The following CPED1 variants were observed in gnomAD, a reference collection of about 807,000 sequenced individuals.
The protein encoded by CPED1 is cadherin-like and PC-esterase domain-containing protein 1.
In CPED1, 114 loss-of-function variants were observed where a neutral mutation model predicts 128.2. The ratio of observed to expected loss-of-function variants is 0.89; its 90% CI spans 0.76 to 1.04. The LOEUF is 1.04. CPED1 is among the 50% of genes least tolerant of loss of function. CPED1 has a pLI of 0.00. For synonymous variants in CPED1, 462 were observed against 426.7 expected, an observed-to-expected ratio of 1.08 and a Z score of -1.02; for missense variants, 1,211 against 1,207.1, an observed-to-expected ratio of 1.00 and a Z score of -0.05.
intron 18 of CPED1, among the ~76,000 whole-genome samples, chr7:121,265,197 G>A (rs73438262): frequency 0.094 from 14,311 of 152,020 alleles, 845 homozygotes; most frequent in Non-Finnish European, 0.13. Context: ...AAAAGTAGAA[G>A]TCTAACATGC....
intron 4 of CPED1, among the ~76,000 whole-genome samples, chr7:121,062,075 A>G (rs1793685757): frequency 6.6e-6 from 1 of 152,190 alleles, no homozygotes; most frequent in African/African-American, 2.4e-5. Flanking sequence ...GGACAGGAAA[A>G]TAGAAGGCAG....
chr7:121,145,241 C>T (rs145567257), intron 16 of CPED1, among the ~76,000 whole-genome samples: 24 of 152,078 alleles, frequency 1.6e-4, no homozygotes, highest in Admixed American at 4.6e-4. Context: ...TTCCATGACA[C>T]GTTTCTCCAA....
At chr7:121,095,482 GT>G (rs549325520) in intron 5 of CPED1, among the ~76,000 whole-genome samples, 1,653 of 146,866 alleles carry the variant, frequency 0.011, 23 homozygotes, top group African/African-American at 0.038. Context: ...AATTACAGAG[GT>G]TTTTTTTTTT....
chr7:121,092,131 T>C (rs1358093750), intron 5 of CPED1, among the ~76,000 whole-genome samples: 1 of 152,170 alleles, frequency 6.6e-6, no homozygotes, highest in Non-Finnish European at 1.5e-5. Flanking sequence ...TGGTCTTAGA[T>C]AGTTAATCTA....
chr7:121,213,473 C>T (rs574352520), intron 16 of CPED1, among the ~76,000 whole-genome samples: 94 of 152,162 alleles, frequency 6.2e-4, no homozygotes, highest in African/African-American at 2.1e-3. Context: ...TTAGGAGACA[C>T]TCTTTAAGAG....
At chr7:121,228,159 A>G (rs1798058999) in intron 16 of CPED1, among the ~76,000 whole-genome samples, 1 of 152,114 alleles carries the variant, frequency 6.6e-6, no homozygotes, top group African/African-American at 2.4e-5. Flanking sequence ...AGAAGACTTA[A>G]TTAAACTAGA....
rs75190192 is a variant in CPED1 at position 121,082,102 on chromosome 7, G to A, written c.617-15597G>A. ...CCAGGCTTGCAGCAACCTAATTCCA[G>A]TTCCACCTAGCTGCTAAATATAGTC... On this transcript the variant is annotated intron_variant, in intron 5 of 22. Coordinates refer to ENST00000310396, the MANE Select transcript of CPED1 (RefSeq NM_024913.5). Among the ~76,000 whole-genome samples the A allele has an allele frequency of 7.2e-3, 1,095 of 152,250 alleles. 11 individuals are homozygous for A. Among genetic ancestry groups the A allele is most frequent in the African/African-American group, 0.025 (1,035 of 41,558 alleles).
At chr7:121,026,116 A>C (rs1562996268) in intron 3 of CPED1, among the ~76,000 whole-genome samples, 1 of 152,186 alleles carries the variant, frequency 6.6e-6, no homozygotes, top group East Asian at 1.9e-4. Context: ...TCTTTCTTAA[A>C]AACTTGTTAA....
chr7:121,133,226 T>A (rs150073821), intron 12 of CPED1, among the ~76,000 whole-genome samples: 11 of 152,170 alleles, frequency 7.2e-5, no homozygotes, highest in African/African-American at 2.6e-4. Context: ...CTGTCTGCAA[T>A]TTAAATTATT....
At chr7:121,154,221 A>T (rs1796228660) in intron 16 of CPED1, among the ~76,000 whole-genome samples, 1 of 152,180 alleles carries the variant, frequency 6.6e-6, no homozygotes, top group Non-Finnish European at 1.5e-5. Flanking sequence ...GAGGAGTTTA[A>T]CTCTCCAGTA....
intron 5 of CPED1, among the ~76,000 whole-genome samples, chr7:121,080,946 T>C (rs1794277125): frequency 6.6e-6 from 1 of 152,158 alleles, no homozygotes; most frequent in Non-Finnish European, 1.5e-5. Flanking sequence ...AGTCCAGGGC[T>C]ATGCACTGAT....
At chr7:120,992,830 T>A (rs1293501380) in intron 2 of CPED1, among the ~76,000 whole-genome samples, 1 of 152,190 alleles carries the variant, frequency 6.6e-6, no homozygotes, top group Non-Finnish European at 1.5e-5. Flanking sequence ...GTCAGCCTCC[T>A]AATGGAGGGT....
At chr7:121,009,606 CAAAAAAAAAAAA>C (rs372071345) in intron 2 of CPED1, among the ~76,000 whole-genome samples, 1 of 90,758 alleles carries the variant, frequency 1.1e-5, no homozygotes, top group East Asian at 3.3e-4. Context: ...GCCCCTGTCT[CAAAAAAAAAAAA>C]AAAAAAAAAG....
At chr7:121,211,308 G>T (rs1563066750) in intron 16 of CPED1, among the ~76,000 whole-genome samples, 1 of 152,062 alleles carries the variant, frequency 6.6e-6, no homozygotes, top group Admixed American at 6.6e-5. Flanking sequence ...AACACCTGGG[G>T]CAAGGCAGAG....
At chr7:121,256,042 A>T (rs1209474810) in intron 18 of CPED1, among the ~76,000 whole-genome samples, 1 of 149,324 alleles carries the variant, frequency 6.7e-6, no homozygotes, top group Non-Finnish European at 1.5e-5. Flanking sequence ...CTTTTCATAG[A>T]CTGGGAAAAA....
intron 17 of CPED1, among the ~76,000 whole-genome samples, chr7:121,238,272 A>C (rs10244673): frequency 0.05 from 7,636 of 152,216 alleles, 613 homozygotes; most frequent in African/African-American, 0.17. Flanking sequence ...CTCACAAATC[A>C]AGTGCACGCT....
chr7:121,207,377 G>A (rs1797544787), intron 16 of CPED1, among the ~76,000 whole-genome samples: 1 of 151,994 alleles, frequency 6.6e-6, no homozygotes, highest in Non-Finnish European at 1.5e-5. Flanking sequence ...ACCAACTAAT[G>A]CTAGTTAACA....
chr7:121,223,779 G>A (rs1351267122), intron 16 of CPED1, among the ~76,000 whole-genome samples: 1 of 152,072 alleles, frequency 6.6e-6, no homozygotes, highest in Non-Finnish European at 1.5e-5. Flanking sequence ...ATGGTAGTCT[G>A]TGTTTCTGTG....
intron 22 of CPED1, among the ~76,000 whole-genome samples, chr7:121,273,962 A>G (rs977499142): frequency 6.6e-6 from 1 of 152,162 alleles, no homozygotes; most frequent in African/African-American, 2.4e-5. Flanking sequence ...AACCCACAGA[A>G]AACAGGGCTT....
Sources: gnomAD v4.1 joint callset for allele counts (sites outside exome capture counted in the v4.1 genomes callset) on GRCh38, gnomAD v4.1.1 for gene constraint, MANE v1.5 for transcripts, NCBI Gene and HGNC (gene_info 2026-07-23, HGNC 2026-07-21) for gene names.